WWTR1: variants seen among roughly 807,000 people sequenced by gnomAD.
WWTR1 encodes the protein WW domain containing transcription regulator 1.
In WWTR1, 13 loss-of-function variants were observed where a neutral mutation model predicts 40.1. The observed-to-expected ratio is 0.32, with a 90% CI of 0.21 to 0.52. The LOEUF is 0.52. Ranked by LOEUF, WWTR1 falls within the 20% of genes least tolerant of loss-of-function variation. The pLI is 0.97. For synonymous variants in WWTR1, 230 were observed against 210.1 expected (o/e 1.09, Z -0.82); for missense variants, 436 against 523.1 (o/e 0.83, Z 1.63).
chr3:149,595,242 G>C (rs1576586155), intron 2 of WWTR1, among the ~76,000 whole-genome samples: 1 of 151,958 alleles, frequency 6.6e-6, no homozygotes, highest in Non-Finnish European at 1.5e-5. Context: ...TTACAGGCAT[G>C]AGCCACCGCG....
chr3:149,635,722 G>C (rs1711785893), intron 2 of WWTR1, among the ~76,000 whole-genome samples: 1 of 152,154 alleles, frequency 6.6e-6, no homozygotes, highest in African/African-American at 2.4e-5. Flanking sequence ...CTGAGAAATG[G>C]GCTCTCCTTC....
intron 2 of WWTR1, among the ~76,000 whole-genome samples, chr3:149,573,772 A>C (rs1737755090): frequency 1.3e-5 from 2 of 152,222 alleles, no homozygotes; most frequent in South Asian, 4.1e-4. Context: ...CAGAGAAACT[A>C]ACCCAACATG....
At chr3:149,621,931 C>T (rs1274386526) in intron 2 of WWTR1, among the ~76,000 whole-genome samples, 1 of 152,122 alleles carries the variant, frequency 6.6e-6, no homozygotes, top group South Asian at 2.1e-4. Flanking sequence ...AGTCAAAATG[C>T]CTTAATCAAT....
intron 4 of WWTR1, among the ~76,000 whole-genome samples, chr3:149,541,619 G>A (rs1278984026): frequency 6.6e-6 from 1 of 151,528 alleles, no homozygotes; most frequent in Admixed American, 6.6e-5. Flanking sequence ...GGTTCTCTGT[G>A]ACTACTTTGA....
chr3:149,647,182 C>T (rs1381929645), intron 2 of WWTR1, among the ~76,000 whole-genome samples: 1 of 152,108 alleles, frequency 6.6e-6, no homozygotes, highest in African/African-American at 2.4e-5. Context: ...AAAACTAGTG[C>T]TCTGGGGAGG....
At chr3:149,611,072 T>A (rs1243983810) in intron 2 of WWTR1, among the ~76,000 whole-genome samples, 1 of 152,134 alleles carries the variant, frequency 6.6e-6, no homozygotes, top group African/African-American at 2.4e-5. Flanking sequence ...GAAGATAGAT[T>A]GACCCCAGGA....
chr3:149,647,660 G>C (rs762337918), intron 2 of WWTR1, among the ~76,000 whole-genome samples: 2 of 152,222 alleles, frequency 1.3e-5, no homozygotes, highest in African/African-American at 4.8e-5. Context: ...TTTTGGAACT[G>C]TACTTGCTAA....
At chr3:149,666,115 T>C (rs147931025) in intron 2 of WWTR1, among the ~76,000 whole-genome samples, 7 of 152,200 alleles carry the variant, frequency 4.6e-5, no homozygotes, top group Non-Finnish European at 1.0e-4. Context: ...CCCAAATAAG[T>C]CACAGATCTG....
chr3:149,550,349 A>G (rs777345664), intron 3 of WWTR1, among the ~76,000 whole-genome samples: 2 of 152,148 alleles, frequency 1.3e-5, no homozygotes, highest in Non-Finnish European at 2.9e-5. Flanking sequence ...AGTTAAAATA[A>G]TTTATTTTAT....
intron 2 of WWTR1, among the ~76,000 whole-genome samples, chr3:149,664,816 A>T (rs1182843201): frequency 6.6e-6 from 1 of 151,930 alleles, no homozygotes; most frequent in East Asian, 1.9e-4. Context: ...CGAACTCCTG[A>T]TCTCAGGTGT....
chr3:149,690,287 T>C (rs1714781765), intron 1 of WWTR1, among the ~76,000 whole-genome samples: 1 of 152,098 alleles, frequency 6.6e-6, no homozygotes, highest in Admixed American at 6.6e-5. Context: ...ACATTGACTG[T>C]AAATGAACTA....
chr3:149,542,241 C>T, intron 4 of WWTR1, 94 bp downstream of exon 4: 1 of 1,409,058 alleles, frequency 7.1e-7, no homozygotes, highest in Non-Finnish European at 9.7e-7. Flanking sequence ...CTCTTCTTCT[C>T]TAGAAGAATT....
chr3:149,690,207 G>C (rs535167310), intron 1 of WWTR1, among the ~76,000 whole-genome samples: 38 of 151,128 alleles, frequency 2.5e-4, no homozygotes, highest in African/African-American at 6.7e-4. Flanking sequence ...AGACAGAAAA[G>C]AAGGAAGGAA....
intron 2 of WWTR1, among the ~76,000 whole-genome samples, chr3:149,585,345 G>C (rs1260517100): frequency 6.6e-6 from 1 of 152,118 alleles, no homozygotes; most frequent in Non-Finnish European, 1.5e-5. Context: ...ATGTTGGCCA[G>C]GCTGGTCTTG....
intron 1 of WWTR1, chr3:149,701,540 T>C (rs1398879538): frequency 5.5e-6 from 1 of 181,460 alleles, no homozygotes; most frequent in Non-Finnish European, 1.2e-5. Flanking sequence ...GTGTCTGGTC[T>C]GTTTTCTAAG....
At chr3:149,677,533 C>T (rs9809185) in intron 1 of WWTR1, among the ~76,000 whole-genome samples, 91,194 of 151,696 alleles carry the variant, frequency 0.6, 27,548 homozygotes, top group East Asian at 0.68. Flanking sequence ...ATGTCTCCTA[C>T]GGTGTTCCCA....
At chr3:149,606,732 C>T (rs1032127559) in intron 2 of WWTR1, among the ~76,000 whole-genome samples, 1 of 152,078 alleles carries the variant, frequency 6.6e-6, no homozygotes, top group Non-Finnish European at 1.5e-5. Flanking sequence ...AGTAAGGATG[C>T]TAACAGGGGA....
chr3:149,517,244 A>C lies in WWTR1; in HGVS notation c.*3561T>G, dbSNP rs1734827372. ...AGTCAAAAGCTCCAAGTGGAAGTTC[A>C]ATTGTCTTTATTTTTCTTATACAGA... is the stretch of plus-strand genomic sequence containing the variant. On this transcript the variant is annotated 3_prime_UTR_variant, in exon 7 of 7. Coordinates refer to ENST00000360632, the MANE Select transcript of WWTR1 (RefSeq NM_015472.6). 1 of 152,164 alleles carries C rather than the reference A, an allele frequency of 6.6e-6. No individual in the cohort carries two copies. Among genetic ancestry groups the C allele is most frequent in the Non-Finnish European group, 1.5e-5 (1 of 68,026 alleles). 9.4% of individuals were successfully genotyped at this position (152,164 alleles called of 1,614,324 possible). A position where few individuals can be genotyped will look rare whatever the true frequency, so the allele number is the denominator to read the frequency against.
chr3:149,660,955 T>C (rs1406749066), upstream of WWTR1, among the ~76,000 whole-genome samples: 1 of 152,206 alleles, frequency 6.6e-6, no homozygotes, highest in Non-Finnish European at 1.5e-5. Context: ...CTCATGTTAT[T>C]TATACCTTTA....
Sources: allele counts gnomAD v4.1 joint callset (sites outside exome capture counted in the v4.1 genomes callset), GRCh38; gene constraint gnomAD v4.1.1; transcripts MANE v1.5; gene names NCBI Gene and HGNC (gene_info 2026-07-23, HGNC 2026-07-21).